Variants in CGGBP1 observed in about 807,000 individuals in gnomAD.
CGGBP1 encodes the protein CGG triplet repeat binding protein 1.
In CGGBP1, 4 loss-of-function variants were observed where a neutral mutation model predicts 11.4. The ratio of observed to expected loss-of-function variants is 0.35; its 90% CI spans 0.17 to 0.80. CGGBP1 has a LOEUF of 0.80. Ranked by LOEUF, CGGBP1 falls within the 30% of genes least tolerant of loss-of-function variation. The probability of loss-of-function intolerance (pLI) is 0.52; values close to 1 mark genes in which losing one functional copy is unlikely to be tolerated. For synonymous variants in CGGBP1, 76 were observed against 74.1 expected, an observed-to-expected ratio of 1.03 and a Z score of -0.13; for missense variants, 135 against 202.1, an observed-to-expected ratio of 0.67 and a Z score of 2.01.
intron 2 of CGGBP1, chr3:88,095,970 G>T (rs530198024): frequency 2.6e-4 from 79 of 304,516 alleles, no homozygotes; most frequent in Admixed American, 3.6e-4. Flanking sequence ...TTTCTTTCCC[G>T]TGTTGCACTG....
At chr3:88,142,155 G>C (rs1351991456) in intron 1 of CGGBP1, 1 of 152,442 alleles carries the variant, frequency 6.6e-6, no homozygotes, top group African/African-American at 2.4e-5. Context: ...AACCGCTGCT[G>C]TTTGGTTTGT....
At chr3:88,081,576 A>G (rs1344535643) in intron 2 of CGGBP1, among the ~76,000 whole-genome samples, 1 of 152,206 alleles carries the variant, frequency 6.6e-6, no homozygotes, top group Non-Finnish European at 1.5e-5. Context: ...ACTTACATAT[A>G]TTTAATTTAT....
intron 1 of CGGBP1, among the ~76,000 whole-genome samples, chr3:88,146,337 G>T (rs6791133): frequency 0.78 from 119,112 of 152,030 alleles, 47,577 homozygotes; most frequent in South Asian, 0.91. Flanking sequence ...AAAATTAGTT[G>T]CCAAGACATT....
chr3:88,121,138 AAAAAG>A (rs1363551925), intron 2 of CGGBP1, among the ~76,000 whole-genome samples: 1 of 152,154 alleles, frequency 6.6e-6, no homozygotes, highest in Non-Finnish European at 1.5e-5. Context: ...CAAAATAAAA[AAAAAG>A]AAAATTTTCC....
At chr3:88,092,919 G>C (rs1703831882) in intron 2 of CGGBP1, among the ~76,000 whole-genome samples, 1 of 152,124 alleles carries the variant, frequency 6.6e-6, no homozygotes. Flanking sequence ...GTTGTCTACA[G>C]GGAAGGAAAG....
chr3:88,117,336 A>G (rs1705472392), intron 2 of CGGBP1, among the ~76,000 whole-genome samples: 1 of 152,232 alleles, frequency 6.6e-6, no homozygotes, highest in Non-Finnish European at 1.5e-5. Flanking sequence ...CCACAAAGGA[A>G]AAAATCAAAT....
At chr3:88,129,111 A>G (rs1333313628) in intron 2 of CGGBP1, 1 of 805,810 alleles carries the variant, frequency 1.2e-6, no homozygotes, top group South Asian at 1.9e-5. Flanking sequence ...TTCCTTTTAC[A>G]GTAATGCCAA....
At chr3:88,121,061 C>T (rs575433003) in intron 2 of CGGBP1, among the ~76,000 whole-genome samples, 6 of 151,906 alleles carry the variant, frequency 3.9e-5, no homozygotes, top group Admixed American at 6.6e-5. Context: ...TGTAACAAAC[C>T]TGTATATTCA....
chr3:88,103,239 A>G (rs575370662), intron 2 of CGGBP1, among the ~76,000 whole-genome samples: 7 of 152,334 alleles, frequency 4.6e-5, no homozygotes, highest in South Asian at 2.1e-4. Context: ...TATAAAGGCT[A>G]TAGTGGAAAA....
intron 3 of CGGBP1, 181 bp from the exon 4 acceptor site, chr3:88,056,180 C>G (rs1209430400): frequency 4.0e-6 from 2 of 503,978 alleles, no homozygotes; most frequent in South Asian, 7.0e-5. Context: ...AAAACTAGAA[C>G]AAGTTACTAA....
chr3:88,088,166 A>C (rs1306515464), intron 2 of CGGBP1, among the ~76,000 whole-genome samples: 1 of 152,204 alleles, frequency 6.6e-6, no homozygotes, highest in African/African-American at 2.4e-5. Flanking sequence ...TTTCTCAGTG[A>C]GACTACTAGC....
intron 2 of CGGBP1, chr3:88,129,949 G>GTTCCT: frequency 1.0e-5 from 9 of 873,488 alleles, no homozygotes; most frequent in Non-Finnish European, 1.4e-5. Context: ...AAAATTGATT[G>GTTCCT]TGCAAGGAAC....
In CGGBP1 at chr3:88,055,381, TAAATG is replaced by T; in HGVS notation, c.*87_*91del. 8.0e-7 allele frequency: 1 copy of T among 1,253,744 alleles called. No individual in the cohort carries two copies. Among genetic ancestry groups the T allele is most frequent in the South Asian group, 1.8e-5 (1 of 55,712 alleles). 77.7% of individuals were successfully genotyped at this position (1,253,744 alleles called of 1,614,324 possible). A position where few individuals can be genotyped will look rare whatever the true frequency, so the allele number is the denominator to read the frequency against. The stretch of plus-strand genomic sequence containing the variant: ...AAAACTATTCTGCGTCACATGATTT[TAAATG>T]AAATAAATACAAAAATGAACCACAC... On this transcript the variant is annotated 3_prime_UTR_variant, in exon 4 of 4. Coordinates refer to ENST00000482016, the MANE Select transcript of CGGBP1 (RefSeq NM_001008390.2). The surrounding 1 kb of genome is among the most constrained non-coding windows in gnomAD (Gnocchi z 4.2).
intron 2 of CGGBP1, among the ~76,000 whole-genome samples, chr3:88,115,410 A>G (rs1344779428): frequency 6.6e-6 from 1 of 152,230 alleles, no homozygotes; most frequent in Non-Finnish European, 1.5e-5. Flanking sequence ...TACTTGCTGC[A>G]TAGTCACTTT....
At chr3:88,121,823 A>G (rs1705786300) in intron 2 of CGGBP1, among the ~76,000 whole-genome samples, 1 of 152,186 alleles carries the variant, frequency 6.6e-6, no homozygotes, top group Admixed American at 6.5e-5. Flanking sequence ...TAACTTGCTT[A>G]TGAGTGAATT....
chr3:88,104,154 G>A (rs1170178428), intron 2 of CGGBP1, among the ~76,000 whole-genome samples: 1 of 152,112 alleles, frequency 6.6e-6, no homozygotes, highest in Non-Finnish European at 1.5e-5. Context: ...CTGAACTACA[G>A]AAAAATGTTA....
chr3:88,119,951 T>C (rs1284837911), intron 2 of CGGBP1, among the ~76,000 whole-genome samples: 1 of 152,192 alleles, frequency 6.6e-6, no homozygotes, highest in African/African-American at 2.4e-5. Flanking sequence ...AAAAGTAGCA[T>C]GTACATTTAT....
intron 2 of CGGBP1, among the ~76,000 whole-genome samples, chr3:88,124,125 T>G (rs1705942512): frequency 6.6e-6 from 1 of 152,246 alleles, no homozygotes; most frequent in Non-Finnish European, 1.5e-5. Context: ...TTCGAACTGT[T>G]AAAATACTAG....
chr3:88,139,971 A>G, intron 2 of CGGBP1: 1 of 1,613,822 alleles, frequency 6.2e-7, no homozygotes, highest in Non-Finnish European at 8.5e-7. Context: ...TAAACATGCA[A>G]TGACCGTACA....
Sources: allele counts gnomAD v4.1 joint callset (sites outside exome capture counted in the v4.1 genomes callset), GRCh38; gene constraint gnomAD v4.1.1; non-coding constraint Gnocchi (gnomAD v3.1); transcripts MANE v1.5; gene names NCBI Gene and HGNC (gene_info 2026-07-23, HGNC 2026-07-21).